BICD1: variants seen among roughly 807,000 people sequenced by gnomAD.
BICD1 encodes the protein BICD cargo adaptor 1.
BICD1 carries 35 observed loss-of-function variants against 92.5 expected under a neutral mutation model. The observed-to-expected ratio is 0.38, with a 90% CI of 0.29 to 0.50. The LOEUF is 0.50. Among genes scored for constraint, BICD1 ranks in the 20% least tolerant of loss-of-function variants. BICD1 has a pLI of 0.93. For synonymous variants in BICD1, 429 were observed against 465.1 expected (o/e 0.92, Z 1.00); for missense variants, 950 against 1,189.8 (o/e 0.80, Z 2.97).
intron 2 of BICD1, among the ~76,000 whole-genome samples, chr12:32,273,944 A>G (rs1485835270): frequency 6.6e-6 from 1 of 152,156 alleles, no homozygotes; most frequent in Non-Finnish European, 1.5e-5. Context: ...CCCGCTGAAC[A>G]AGCGTAAACT....
chr12:32,193,696 A>C (rs996121030), intron 1 of BICD1, among the ~76,000 whole-genome samples: 2 of 152,206 alleles, frequency 1.3e-5, no homozygotes, highest in Non-Finnish European at 2.9e-5. Context: ...ATAAGTAAGG[A>C]GATTAAATGA....
chr12:32,327,340 TA>T, intron 4 of BICD1, 120 bp from the exon 5 acceptor site: 1 of 1,188,842 alleles, frequency 8.4e-7, no homozygotes, highest in Non-Finnish European at 1.2e-6. Flanking sequence ...TAATTTGAAA[TA>T]GTGGGAACAT....
At chr12:32,366,637 ACT>A (rs1939534340) in intron 8 of BICD1, among the ~76,000 whole-genome samples, 1 of 151,848 alleles carries the variant, frequency 6.6e-6, no homozygotes, top group African/African-American at 2.4e-5. Flanking sequence ...CAAGAGCAAA[ACT>A]CTGTCTCAAA....
Position 32,313,304 on chromosome 12 carries a change from AGTG to A in BICD1, c.1005+7186_1005+7188del, listed in dbSNP as rs1277155636. ...GTTTTTTCTATAATGATTGATGTTA[AGTG>A]GTGATGGTAATTTGCTATATGTCCC... On this transcript the variant is annotated intron_variant, in intron 4 of 9. Coordinates refer to ENST00000652176, the MANE Select transcript of BICD1 (RefSeq NM_001714.4). The surrounding 1 kb of genome is among the most constrained non-coding windows in gnomAD (Gnocchi z 4.2). Among the ~76,000 whole-genome samples, 3 of 152,188 alleles carry A rather than the reference AGTG, an allele frequency of 2.0e-5. No homozygotes were observed. The highest frequency in any genetic ancestry group is 2.9e-5 in the Non-Finnish European group (2 of 68,024).
Position 32,337,714 on chromosome 12 carries a change from G to A in BICD1, c.2468G>A (p.Gly823Glu), listed in dbSNP as rs1200591989. ...KSKIGSPKVS[G>E]EASVTVPTID... is the part of the protein sequence containing the mutation. ...AAGATCGGCAGCCCTAAAGTAAGTG[G>A]GGAGGCATCAGTCACCGTGCCCACC... The change falls in exon 7 of 10, where the codon GGG becomes GAG. Residue 823 changes from glycine to glutamate, a missense_variant. Physicochemically the swap from Gly to Glu is moderately conservative, Grantham distance 98. Transcript: ENST00000652176. The surrounding 1 kb of genome is among the most constrained non-coding windows in gnomAD (Gnocchi z 4.7). 2 of 1,613,994 alleles carry A rather than the reference G, an allele frequency of 1.2e-6. No homozygotes were observed. The highest frequency in any genetic ancestry group is 1.7e-6 in the Non-Finnish European group (2 of 1,180,028).
At chr12:32,166,545 A>G (rs1381853675) in intron 1 of BICD1, among the ~76,000 whole-genome samples, 1 of 152,172 alleles carries the variant, frequency 6.6e-6, no homozygotes, top group East Asian at 1.9e-4. Context: ...AGCCAACAGG[A>G]AAGAATCATC....
intron 4 of BICD1, among the ~76,000 whole-genome samples, chr12:32,322,969 C>T (rs1948695456): frequency 6.6e-6 from 1 of 152,156 alleles, no homozygotes; most frequent in Non-Finnish European, 1.5e-5. Flanking sequence ...CTTTCCAGTG[C>T]AAATTTGCTT....
intron 1 of BICD1, among the ~76,000 whole-genome samples, chr12:32,129,146 G>T (rs1287128587): frequency 1.3e-5 from 2 of 151,820 alleles, no homozygotes; most frequent in Non-Finnish European, 2.9e-5. Context: ...TGTTGTCCAG[G>T]CTGGTCTCGA....
intron 1 of BICD1, among the ~76,000 whole-genome samples, chr12:32,121,824 TTTTTTTTGAGACAGGGTCTCACTCTC>T (rs1351153112): frequency 1.3e-5 from 2 of 151,278 alleles, no homozygotes; most frequent in Non-Finnish European, 3.0e-5. Flanking sequence ...TTTTTTTTTT[TTTTTTTTGAGACAGGGTCTCACTCTC>T]TTGCCCAGGC....
intron 8 of BICD1, among the ~76,000 whole-genome samples, chr12:32,357,122 C>G (rs527915517): frequency 8.7e-5 from 13 of 149,612 alleles, no homozygotes; most frequent in African/African-American, 3.2e-4. Flanking sequence ...AGCAATTCTT[C>G]TGCCTCAGCC....
At chr12:32,295,340 C>T (rs953740372) in intron 3 of BICD1, among the ~76,000 whole-genome samples, 1 of 152,100 alleles carries the variant, frequency 6.6e-6, no homozygotes, top group East Asian at 1.9e-4. Context: ...TGTTCGAGTT[C>T]TTTTCAAGGT....
intron 2 of BICD1, among the ~76,000 whole-genome samples, chr12:32,229,620 G>C (rs541652331): frequency 6.6e-6 from 1 of 152,182 alleles, no homozygotes; most frequent in South Asian, 2.1e-4. Context: ...AGTTTCCATA[G>C]AGTGTTGGGA....
rs1372035952 is a variant in BICD1 at position 32,107,373 on chromosome 12, G to C, written c.42G>C (p.Lys14Asn). 6.2e-7 allele frequency: 1 copy of C among 1,610,722 alleles called. No homozygotes were observed. The highest frequency in any genetic ancestry group is 1.7e-5 in the Admixed American group (1 of 59,428). The change falls in exon 1 of 10, where the codon AAG (lysine) becomes AAC (asparagine). Residue 14 changes from lysine to asparagine, a missense_variant. Physicochemically the swap from Lys to Asn is moderately conservative, Grantham distance 94 (BLOSUM62 0). Coordinates refer to ENST00000652176, the MANE Select transcript of BICD1 (RefSeq NM_001714.4). ...EEVLQTVDHYKTEIERLTKEL... is the reference protein window; with the variant it reads ...EEVLQTVDHYNTEIERLTKEL... ...TATTGCAGACGGTGGACCATTATAA[G>C]ACTGAGATAGAGAGGCTAACCAAGG...
intron 1 of BICD1, among the ~76,000 whole-genome samples, chr12:32,156,152 G>C (rs1943430939): frequency 6.6e-6 from 1 of 152,224 alleles, no homozygotes; most frequent in Admixed American, 6.5e-5. Flanking sequence ...TCAGACATTT[G>C]TAAAGAGACA....
At chr12:32,358,009 C>T (rs1939183809) in intron 8 of BICD1, among the ~76,000 whole-genome samples, 1 of 152,154 alleles carries the variant, frequency 6.6e-6, no homozygotes, top group Non-Finnish European at 1.5e-5. Flanking sequence ...GCCACTCTCT[C>T]CATGGGCCCT....
chr12:32,329,089 A>AATT (rs796345960), intron 5 of BICD1, among the ~76,000 whole-genome samples: 1 of 145,820 alleles, frequency 6.9e-6, no homozygotes, highest in African/African-American at 2.5e-5. Flanking sequence ...AGTATAGCAA[A>AATT]ATTATTATTA....
chr12:32,308,851 G>A (rs1381355026), intron 4 of BICD1, among the ~76,000 whole-genome samples: 2 of 152,114 alleles, frequency 1.3e-5, no homozygotes, highest in East Asian at 3.9e-4. Context: ...ATGTAGAGGG[G>A]CGCAGGTAGG....
intron 1 of BICD1, among the ~76,000 whole-genome samples, chr12:32,202,873 AATGCTGGG>A (rs1303233897): frequency 6.6e-6 from 1 of 152,172 alleles, no homozygotes; most frequent in Non-Finnish European, 1.5e-5. Flanking sequence ...AGCCTCCCCA[AATGCTGGG>A]ATTATAGGCG....
At chr12:32,108,700 A>G (rs1565518963) in intron 1 of BICD1, 1 of 695,578 alleles carries the variant, frequency 1.4e-6, no homozygotes, top group African/African-American at 1.7e-5. Flanking sequence ...TTTAGTGTGT[A>G]ATATGGTAAG....
Sources: allele counts gnomAD v4.1 joint callset (sites outside exome capture counted in the v4.1 genomes callset), GRCh38; gene constraint gnomAD v4.1.1; non-coding constraint Gnocchi (gnomAD v3.1); transcripts MANE v1.5; gene names NCBI Gene and HGNC (gene_info 2026-07-23, HGNC 2026-07-21).